ZFAND3: variants seen among roughly 807,000 people sequenced by gnomAD.
ZFAND3 encodes the protein AN1-type zinc finger protein 3.
A neutral mutation model predicts 29.6 loss-of-function variants in ZFAND3; 10 were observed. The ratio of observed to expected loss-of-function variants is 0.34; its 90% confidence interval spans 0.21 to 0.57. The LOEUF (loss-of-function observed/expected upper bound fraction) is 0.57, where lower values mean the gene tolerates loss of function less well. Among genes scored for constraint, ZFAND3 ranks in the 20% least tolerant of loss-of-function variants. The pLI, the probability that ZFAND3 is intolerant of heterozygous loss-of-function variation, is 0.86. For missense variants in ZFAND3, 230 were observed against 304.5 expected, an observed-to-expected ratio of 0.76 and a Z score of 1.82; for synonymous variants, 128 against 112.6, an observed-to-expected ratio of 1.14 and a Z score of -0.87.
intron 1 of ZFAND3, among the ~76,000 whole-genome samples, chr6:37,824,037 A>G (rs1214990227): frequency 6.6e-6 from 1 of 152,166 alleles, no homozygotes; most frequent in African/African-American, 2.4e-5. Flanking sequence ...CGGCTTCCCA[A>G]AGTGCTGGGA....
intron 3 of ZFAND3, among the ~76,000 whole-genome samples, chr6:38,070,634 C>G (rs1302750149): frequency 6.6e-6 from 1 of 152,056 alleles, no homozygotes; most frequent in Non-Finnish European, 1.5e-5. Context: ...TGAGCCATGT[C>G]AAGTAAACAG....
intron 1 of ZFAND3, among the ~76,000 whole-genome samples, chr6:37,822,309 C>T (rs1763681497): frequency 6.6e-6 from 1 of 152,162 alleles, no homozygotes; most frequent in Non-Finnish European, 1.5e-5. Flanking sequence ...GAGTAGTGAC[C>T]ACAAAACTAG....
chr6:38,007,804 A>C (rs2127442340), intron 2 of ZFAND3, among the ~76,000 whole-genome samples: 1 of 152,324 alleles, frequency 6.6e-6, no homozygotes, highest in African/African-American at 2.4e-5. Context: ...TGAGAAAGCA[A>C]CCCACATCAG....
At position 37,862,111 on chromosome 6, in the gene ZFAND3, CT is replaced by C. The variant is rs1181226957; in HGVS notation, c.71+42101del. ...TAAGTTATGTTTTGATTTCTGTTTA[CT>C]TTTTTATATGTTTACTTTTTATTGA... On this transcript the variant is annotated intron_variant, in intron 1 of 5. Coordinates refer to ENST00000287218, the MANE Select transcript of ZFAND3 (RefSeq NM_021943.3). 9.5e-5 allele frequency among the ~76,000 whole-genome samples: 14 copies of C among 146,972 alleles called. No individual in the cohort carries two copies. In the East Asian group the frequency reaches 2.7e-3, roughly 28 times the overall value.
intron 2 of ZFAND3, among the ~76,000 whole-genome samples, chr6:37,934,242 G>A (rs1761653706): frequency 6.6e-6 from 1 of 151,704 alleles, no homozygotes; most frequent in Non-Finnish European, 1.5e-5. Context: ...GAGTGCAGTG[G>A]TGCCATCTCA....
intron 4 of ZFAND3, among the ~76,000 whole-genome samples, chr6:38,084,910 G>T (rs899020329): frequency 1.4e-4 from 22 of 152,196 alleles, no homozygotes; most frequent in African/African-American, 4.6e-4. Flanking sequence ...AGACTGTTCT[G>T]TGCCCTCTTA....
At chr6:37,956,900 C>T (rs1762093795) in intron 2 of ZFAND3, among the ~76,000 whole-genome samples, 2 of 152,122 alleles carry the variant, frequency 1.3e-5, no homozygotes, top group Admixed American at 1.3e-4. Flanking sequence ...ATGAACAGTC[C>T]TTCGGGATTG....
chr6:37,904,357 G>A (rs1204383721), intron 1 of ZFAND3, among the ~76,000 whole-genome samples: 1 of 152,140 alleles, frequency 6.6e-6, no homozygotes, highest in African/African-American at 2.4e-5. Context: ...TACTGGAAAA[G>A]GCCCAGGGTA....
chr6:37,932,272 A>AT (rs1312327058), intron 2 of ZFAND3, among the ~76,000 whole-genome samples: 10 of 151,914 alleles, frequency 6.6e-5, no homozygotes, highest in African/African-American at 2.4e-4. Context: ...AAAAAAAAAA[A>AT]ATAAATAAAT....
chr6:37,992,987 A>G (rs1036981004), intron 2 of ZFAND3, among the ~76,000 whole-genome samples: 2 of 152,214 alleles, frequency 1.3e-5, no homozygotes, highest in Admixed American at 6.5e-5. Flanking sequence ...TGCATTTGTT[A>G]CTGCATCACA....
chr6:37,963,396 A>G (rs920375707), intron 2 of ZFAND3, among the ~76,000 whole-genome samples: 7 of 152,230 alleles, frequency 4.6e-5, no homozygotes, highest in African/African-American at 1.7e-4. Flanking sequence ...AGAAAAGAAT[A>G]AAAACTTCAG....
intron 2 of ZFAND3, among the ~76,000 whole-genome samples, chr6:38,030,227 A>C (rs988652942): frequency 2.1e-5 from 3 of 145,626 alleles, no homozygotes; most frequent in Non-Finnish European, 3.0e-5. Flanking sequence ...GGGTCTCTCT[A>C]TGTTGCCCAG....
intron 2 of ZFAND3, among the ~76,000 whole-genome samples, chr6:37,939,388 C>T (rs979903273): frequency 4.6e-5 from 7 of 152,212 alleles, no homozygotes; most frequent in Non-Finnish European, 8.8e-5. Context: ...CTATCTTTCC[C>T]TCTTCTGTCT....
At chr6:37,941,044 C>T (rs1417627080) in intron 2 of ZFAND3, among the ~76,000 whole-genome samples, 1 of 152,132 alleles carries the variant, frequency 6.6e-6, no homozygotes, top group Non-Finnish European at 1.5e-5. Context: ...TTATGAAGTC[C>T]TTTAATACAA....
chr6:37,896,606 C>CTCTT (rs953162387), intron 1 of ZFAND3, among the ~76,000 whole-genome samples: 1 of 127,472 alleles, frequency 7.8e-6, no homozygotes, highest in East Asian at 2.2e-4. Flanking sequence ...CTTTCTCTCT[C>CTCTT]TCTTTCTTTC....
intron 1 of ZFAND3, among the ~76,000 whole-genome samples, chr6:37,927,535 C>T (rs1242543775): frequency 6.6e-6 from 1 of 152,194 alleles, no homozygotes; most frequent in Non-Finnish European, 1.5e-5. Flanking sequence ...TGCATCCATA[C>T]TAGTCATCTC....
chr6:37,890,821 C>T (rs1181040362), intron 1 of ZFAND3, among the ~76,000 whole-genome samples: 2 of 152,132 alleles, frequency 1.3e-5, no homozygotes, highest in African/African-American at 4.8e-5. Flanking sequence ...ATTCTAAATT[C>T]AATTTTTATT....
intron 1 of ZFAND3, among the ~76,000 whole-genome samples, chr6:37,887,895 A>G (rs973402257): frequency 2.0e-5 from 3 of 152,186 alleles, no homozygotes; most frequent in Admixed American, 1.3e-4. Flanking sequence ...CACATTTACA[A>G]AGTCATGCTA....
At chr6:37,961,646 G>A (rs1762200380) in intron 2 of ZFAND3, among the ~76,000 whole-genome samples, 1 of 152,246 alleles carries the variant, frequency 6.6e-6, no homozygotes, top group Non-Finnish European at 1.5e-5. Flanking sequence ...TCTCTAAGTG[G>A]CTCAGAGCAG....
Sources: gnomAD v4.1 joint callset for allele counts (sites outside exome capture counted in the v4.1 genomes callset) on GRCh38, gnomAD v4.1.1 for gene constraint, MANE v1.5 for transcripts, NCBI Gene and HGNC (gene_info 2026-07-23, HGNC 2026-07-21) for gene names.